The following CPNE2 variants were observed in gnomAD, a reference collection of about 807,000 sequenced individuals.
CPNE2 encodes copine-2.
Under a neutral mutation model 69.7 loss-of-function variants are expected in CPNE2, and 42 were observed. The observed-to-expected ratio is 0.60, with a 90% CI of 0.47 to 0.78. CPNE2 has a LOEUF of 0.78. Among genes scored for constraint, CPNE2 ranks in the 30% least tolerant of loss-of-function variants. The probability of loss-of-function intolerance (pLI) is 0.00; values close to 1 mark genes in which losing one functional copy is unlikely to be tolerated. For missense variants in CPNE2, 587 were observed against 732.0 expected, an observed-to-expected ratio of 0.80 and a Z score of 2.29; for synonymous variants, 294 against 289.8, an observed-to-expected ratio of 1.01 and a Z score of -0.15.
Position 57,147,637 on chromosome 16 carries a change from C to A in CPNE2, c.1626C>A (p.Pro542=). The A allele has an allele frequency of 1.9e-6, 3 of 1,603,836 alleles. No homozygotes were observed. The highest frequency in any genetic ancestry group is 1.1e-5 in the South Asian group (1 of 89,768). Residue 542 remains proline, a synonymous_variant, in exon 16 of 16, where the codon CCC becomes CCA. Coordinates refer to ENST00000290776, the MANE Select transcript of CPNE2 (RefSeq NM_152727.6). ...VQYFKHKNLP[P]TNSEPA ...ATTTCAAGCATAAAAACCTGCCCCCCACCAACTCGGAGCCCGCCTGAGCTC... is the reference window on the plus strand; with the variant it reads ...ATTTCAAGCATAAAAACCTGCCCCCAACCAACTCGGAGCCCGCCTGAGCTC...
At chr16:57,132,281 C>T (rs1216422224) in intron 12 of CPNE2, among the ~76,000 whole-genome samples, 1 of 152,316 alleles carries the variant, frequency 6.6e-6, no homozygotes, top group East Asian at 1.9e-4. Flanking sequence ...ACGCGTTTCC[C>T]TTTGGAGATG....
intron 10 of CPNE2, 91 bp from the exon 11 acceptor site, chr16:57,125,769 C>T (rs1432881136): frequency 2.4e-5 from 36 of 1,516,228 alleles, no homozygotes; most frequent in Non-Finnish European, 2.9e-5. Context: ...GTGGGCTTCC[C>T]ATGTCCCATC....
intron 1 of CPNE2, among the ~76,000 whole-genome samples, chr16:57,101,780 A>G (rs1266535553): frequency 3.9e-5 from 6 of 152,092 alleles, no homozygotes; most frequent in Admixed American, 2.0e-4. Context: ...CTGGATGACA[A>G]TCTGTATTTG....
intron 12 of CPNE2, 45 bp from the exon 13 acceptor site, chr16:57,134,730 T>G (rs1597504091): frequency 6.2e-7 from 1 of 1,612,164 alleles, no homozygotes; most frequent in Non-Finnish European, 8.5e-7. Flanking sequence ...TGGGTCTGGG[T>G]TTGGGGGCGG....
At chr16:57,134,072 C>T (rs1305012140) in intron 12 of CPNE2, among the ~76,000 whole-genome samples, 1 of 152,196 alleles carries the variant, frequency 6.6e-6, no homozygotes, top group Non-Finnish European at 1.5e-5. Context: ...TCCTTCTATA[C>T]CCCGAAGCCA....
At chr16:57,140,751 GAC>G (rs2069915634) in intron 14 of CPNE2, 1 of 151,556 alleles carries the variant, frequency 6.6e-6, no homozygotes, top group African/African-American at 2.4e-5. Context: ...TTTTAGTAGA[GAC>G]AGAGTTTCAC....
chr16:57,112,133 T>C (rs1490976066), intron 2 of CPNE2, among the ~76,000 whole-genome samples: 2 of 152,210 alleles, frequency 1.3e-5, no homozygotes, highest in African/African-American at 4.8e-5. Context: ...CCCATGGATG[T>C]TGGCTCCTTC....
intron 9 of CPNE2, 190 bp from the exon 10 acceptor site, chr16:57,123,224 A>C (rs1259550555): frequency 1.4e-5 from 9 of 621,808 alleles, no homozygotes; most frequent in Non-Finnish European, 2.6e-5. Flanking sequence ...TGAGTCCCCC[A>C]CCCATTAGGA....
chr16:57,147,562 GACCTTGGC>G lies in CPNE2; in HGVS notation c.1552_1559del (p.Thr518GlnfsTer18), dbSNP rs2069968094. ...CCTCCACCCTGCAGGCAGCAAAAGAGACCTTGGCCAAAGCTGTGCTGGCGGAGCTGCCC... is the reference window on the plus strand; with the variant it reads ...CCTCCACCCTGCAGGCAGCAAAAGAGCAAAGCTGTGCTGGCGGAGCTGCCC... On this transcript the variant is annotated frameshift_variant, in exon 16 of 16. Coordinates refer to ENST00000290776, the MANE Select transcript of CPNE2 (RefSeq NM_152727.6). LOFTEE classifies it high-confidence loss of function. The G allele has an allele frequency of 6.2e-7, 1 of 1,602,462 alleles. No individual in the cohort carries two copies. Among genetic ancestry groups the G allele is most frequent in the Non-Finnish European group, 8.5e-7 (1 of 1,172,254 alleles).
chr16:57,134,635 T>G, intron 12 of CPNE2, 140 bp from the exon 13 acceptor site: 3 of 803,566 alleles, frequency 3.7e-6, no homozygotes, highest in Non-Finnish European at 6.2e-6. Flanking sequence ...ATGTGGGGGG[T>G]ATCAGTGGCC....
chr16:57,116,992 T>C (rs1271131779), intron 4 of CPNE2, among the ~76,000 whole-genome samples: 1 of 152,088 alleles, frequency 6.6e-6, no homozygotes, highest in Non-Finnish European at 1.5e-5. Context: ...GAACCATAGC[T>C]GATGGGGAAT....
At position 57,102,060 on chromosome 16, in the gene CPNE2, A is replaced by G. The variant is rs145695298; in HGVS notation, c.-35-8648A>G. Among the ~76,000 whole-genome samples, 1,406 of 147,872 alleles carry G rather than the reference A, an allele frequency of 9.5e-3. 21 individuals carry two copies. Among genetic ancestry groups the G allele is most frequent in the Non-Finnish European group, 9.9e-3 (667 of 67,110 alleles). Reference sequence around the variant, plus strand: ...TTCCCGGGCTTAGGTGATTCCCCCCATCTCAGCCTCCCAAGTACCTGGGAC... The same window carrying G: ...TTCCCGGGCTTAGGTGATTCCCCCCGTCTCAGCCTCCCAAGTACCTGGGAC... On this transcript the variant is annotated intron_variant, in intron 1 of 15. Transcript: ENST00000290776.
chr16:57,127,711 A>G, intron 11 of CPNE2, 138 bp from the exon 12 acceptor site: 1 of 826,188 alleles, frequency 1.2e-6, no homozygotes, highest in South Asian at 1.5e-5. Flanking sequence ...GATGATCCTA[A>G]CAGCTTTTTC....
chr16:57,100,326 A>T (rs2069605417), intron 1 of CPNE2, among the ~76,000 whole-genome samples: 1 of 152,236 alleles, frequency 6.6e-6, no homozygotes. Context: ...ATACTTGCTG[A>T]AACTGTGTGT....
chr16:57,109,555 C>T (rs1458426176), intron 1 of CPNE2, among the ~76,000 whole-genome samples: 1 of 152,110 alleles, frequency 6.6e-6, no homozygotes, highest in Non-Finnish European at 1.5e-5. Flanking sequence ...CTGCTGGTTG[C>T]CCATGTTTAT....
In CPNE2 at chr16:57,146,636, A is replaced by T; in HGVS notation, c.1539+315A>T. ...TGGGGTCTGATGAGAGGCTGGGGCT[A>T]TCCATGTGGTGTAAAGTGCAGGAGG... On this transcript the variant is annotated intron_variant, in intron 15 of 15. Transcript: ENST00000290776. This position sits in a 1 kb window ranked among gnomAD's most constrained non-coding sequence, Gnocchi z 4.4. 3.0e-6 allele frequency: 1 copy of T among 333,214 alleles called. No homozygotes were observed. Among genetic ancestry groups the T allele is most frequent in the Non-Finnish European group, 5.6e-6 (1 of 178,842 alleles). The allele number at this position is 333,214 out of a possible 1,614,324, so 20.6% of individuals were successfully genotyped here.
intron 14 of CPNE2, chr16:57,144,352 G>C (rs1455966265): frequency 1.3e-5 from 2 of 152,294 alleles, no homozygotes; most frequent in African/African-American, 4.8e-5. Flanking sequence ...GTTGTACTTG[G>C]GGGGCAGACA....
At chr16:57,094,399 A>G (rs561355768) in intron 1 of CPNE2, among the ~76,000 whole-genome samples, 5 of 152,200 alleles carry the variant, frequency 3.3e-5, no homozygotes, top group East Asian at 1.9e-4. Context: ...TGGTGTTCCA[A>G]CGGACACTCC....
At chr16:57,112,312 G>C (rs1034686289) in intron 2 of CPNE2, among the ~76,000 whole-genome samples, 1 of 152,136 alleles carries the variant, frequency 6.6e-6, no homozygotes, top group Non-Finnish European at 1.5e-5. Context: ...GGAGCCACAA[G>C]CCTGTGAGAG....
Sources: allele counts gnomAD v4.1 joint callset (sites outside exome capture counted in the v4.1 genomes callset), GRCh38; gene constraint gnomAD v4.1.1; non-coding constraint Gnocchi (gnomAD v3.1); transcripts MANE v1.5; gene names NCBI Gene and HGNC (gene_info 2026-07-23, HGNC 2026-07-21).